CCDC191: variants seen among roughly 807,000 people sequenced by gnomAD.
CCDC191 encodes the protein coiled-coil domain-containing protein 191.
In CCDC191, 99 loss-of-function variants were observed where a neutral mutation model predicts 114.0. The ratio of observed to expected loss-of-function variants is 0.87; its 90% CI spans 0.74 to 1.03. The LOEUF (loss-of-function observed/expected upper bound fraction) is 1.03. Among genes scored for constraint, CCDC191 ranks in the 50% least tolerant of loss-of-function variants. The probability of loss-of-function intolerance (pLI) is 0.00; values close to 1 mark genes in which losing one functional copy is unlikely to be tolerated. For synonymous variants in CCDC191, 351 were observed against 376.0 expected, an observed-to-expected ratio of 0.93 and a Z score of 0.77; for missense variants, 973 against 1,087.0, an observed-to-expected ratio of 0.90 and a Z score of 1.47.
At chr3:114,032,660 TCTCA>T (rs1365009837) in intron 6 of CCDC191, among the ~76,000 whole-genome samples, 1 of 152,202 alleles carries the variant, frequency 6.6e-6, no homozygotes, top group Non-Finnish European at 1.5e-5. Context: ...CTACCCCTTC[TCTCA>T]CTCATTCTCA....
rs781677772 is a variant in CCDC191, at chr3:114,036,719, GAGC to G, written c.480_482del (p.Leu161del). On this transcript the variant is annotated inframe_deletion, in exon 5 of 17. Transcript: ENST00000295878. ...TTGCAGAATCTACCACATTTTTATG[GAGC>G]AGATGGTCTATAAATTTTTGAACGG... 6.3e-7 allele frequency: 1 copy of G among 1,593,720 alleles called. No individual in the cohort carries two copies. The highest frequency in any genetic ancestry group is 1.1e-5 in the South Asian group (1 of 88,426).
intron 13 of CCDC191, among the ~76,000 whole-genome samples, chr3:113,992,853 C>CA (rs2075613231): frequency 6.6e-6 from 1 of 151,780 alleles, no homozygotes; most frequent in Admixed American, 6.6e-5. Context: ...AAGGATACTA[C>CA]AAAAAAAATT....
In CCDC191 at chr3:114,001,688, T is replaced by C. The variant is rs1362451542; in HGVS notation, c.2070A>G (p.Leu690=). 1.2e-6 allele frequency: 2 copies of C among 1,613,838 alleles called. No homozygotes were observed. The highest frequency in any genetic ancestry group is 3.3e-5 in the Admixed American group (2 of 59,998). ...TCTGACGTTCCTCCTCTTGGGCCTT[T>C]AACTGGGCCTGATTGAGATTAGAAC... ...KKQEEEKLAQ[L]KAQEEERQKR... The change falls in exon 13 of 17, where the codon TTA becomes TTG. Residue 690 remains leucine (L), a synonymous_variant. Coordinates refer to ENST00000295878, the MANE Select transcript of CCDC191 (RefSeq NM_020817.2).
At chr3:114,055,102 T>C (rs1316017007) in intron 1 of CCDC191, among the ~76,000 whole-genome samples, 1 of 152,174 alleles carries the variant, frequency 6.6e-6, no homozygotes, top group Non-Finnish European at 1.5e-5. Flanking sequence ...TTCACTTACC[T>C]AACACTTTAC....
chr3:114,007,119 A>G (rs2075984783), intron 9 of CCDC191, among the ~76,000 whole-genome samples: 1 of 152,260 alleles, frequency 6.6e-6, no homozygotes, highest in Non-Finnish European at 1.5e-5. Context: ...ACCATACTCA[A>G]TTACAAGTTC....
chr3:114,053,200 A>G (rs1337862960), intron 2 of CCDC191, among the ~76,000 whole-genome samples: 2 of 152,238 alleles, frequency 1.3e-5, no homozygotes, highest in African/African-American at 4.8e-5. Flanking sequence ...TAGTCATTAG[A>G]AAATTCTTAT....
intron 16 of CCDC191, among the ~76,000 whole-genome samples, chr3:113,977,513 A>G (rs1342354538): frequency 2.0e-5 from 3 of 147,348 alleles, no homozygotes; most frequent in Non-Finnish European, 3.1e-5. Flanking sequence ...AGACAACTGG[A>G]TTAAATAAAA....
intron 12 of CCDC191, 32 bp from the exon 13 acceptor site, chr3:114,001,728 AC>A (rs1559897543): frequency 1.2e-6 from 2 of 1,611,646 alleles, no homozygotes; most frequent in Non-Finnish European, 1.7e-6. Flanking sequence ...AAATATCAGA[AC>A]CCTCAATTTG....
chr3:114,021,503 AT>A (rs1243825634), intron 7 of CCDC191, among the ~76,000 whole-genome samples: 1 of 152,104 alleles, frequency 6.6e-6, no homozygotes, highest in Non-Finnish European at 1.5e-5. Context: ...GTTATTCTTG[AT>A]TCATAGCAAA....
chr3:113,999,671 T>C (rs1342051354), intron 13 of CCDC191, among the ~76,000 whole-genome samples: 5 of 152,084 alleles, frequency 3.3e-5, no homozygotes, highest in African/African-American at 1.2e-4. Context: ...TGGAAGAAGG[T>C]ATTTATAAAT....
At chr3:114,021,686 C>T (rs753813737) in intron 7 of CCDC191, among the ~76,000 whole-genome samples, 3 of 152,106 alleles carry the variant, frequency 2.0e-5, no homozygotes, top group Non-Finnish European at 2.9e-5. Flanking sequence ...TCCCTCCCCC[C>T]AGCTTACTTC....
chr3:114,017,104 T>TA (rs1039442092), intron 8 of CCDC191, among the ~76,000 whole-genome samples: 1 of 141,392 alleles, frequency 7.1e-6, no homozygotes, highest in Non-Finnish European at 1.5e-5. Flanking sequence ...AGGATTCACT[T>TA]TTTTTTTTTT....
At chr3:113,974,144 A>C (rs1443311081) in intron 16 of CCDC191, among the ~76,000 whole-genome samples, 1 of 151,748 alleles carries the variant, frequency 6.6e-6, no homozygotes, top group Non-Finnish European at 1.5e-5. Context: ...ATCTTTGTTA[A>C]ATTTATCTGA....
chr3:113,998,955 G>C (rs992360252), intron 13 of CCDC191, among the ~76,000 whole-genome samples: 3 of 152,198 alleles, frequency 2.0e-5, no homozygotes, highest in African/African-American at 7.2e-5. Context: ...GCCTTACTAT[G>C]TTCCCTACCA....
chr3:113,987,691 A>G (rs1480689600), intron 13 of CCDC191, among the ~76,000 whole-genome samples: 1 of 152,170 alleles, frequency 6.6e-6, no homozygotes, highest in Admixed American at 6.5e-5. Context: ...ATGCTACGAC[A>G]CTCAGGTAGA....
chr3:114,003,335 A>C, intron 11 of CCDC191: 1 of 985,428 alleles, frequency 1.0e-6, no homozygotes, highest in African/African-American at 1.7e-5. Flanking sequence ...TTTAGAGAAA[A>C]GAATTTAAGT....
chr3:114,056,273 C>T (rs1234072863), intron 1 of CCDC191, 104 bp downstream of exon 1: 5 of 1,091,124 alleles, frequency 4.6e-6, no homozygotes, highest in Non-Finnish European at 6.9e-6. Flanking sequence ...GGCGTGTCAG[C>T]TCAGGATGAA....
At chr3:114,050,002 T>C (rs1368570880) in intron 2 of CCDC191, among the ~76,000 whole-genome samples, 1 of 152,256 alleles carries the variant, frequency 6.6e-6, no homozygotes, top group East Asian at 1.9e-4. Context: ...TTTTTTTGTT[T>C]GTTTTTGGTT....
chr3:113,970,396 G>A (rs1300015510), intron 16 of CCDC191, among the ~76,000 whole-genome samples: 1 of 152,020 alleles, frequency 6.6e-6, no homozygotes, highest in Non-Finnish European at 1.5e-5. Flanking sequence ...TTGGCCTCAA[G>A]TGATCCTTCC....
Sources: allele counts gnomAD v4.1 joint callset (sites outside exome capture counted in the v4.1 genomes callset), GRCh38; gene constraint gnomAD v4.1.1; transcripts MANE v1.5; gene names NCBI Gene and HGNC (gene_info 2026-07-23, HGNC 2026-07-21).